CCDC66: variants seen among roughly 807,000 people sequenced by gnomAD.
The protein encoded by CCDC66 is coiled-coil domain containing 66.
Under a neutral mutation model 128.3 loss-of-function variants are expected in CCDC66, and 133 were observed. The ratio of observed to expected loss-of-function variants is 1.04; its 90% CI spans 0.90 to 1.20. The LOEUF (loss-of-function observed/expected upper bound fraction) is 1.20. Ranked by LOEUF, CCDC66 falls within the 50% of genes most tolerant of loss-of-function variation. The pLI is 0.00. For synonymous variants in CCDC66, 387 were observed against 357.0 expected (o/e 1.08, Z -0.95); for missense variants, 1,126 against 1,075.5 (o/e 1.05, Z -0.66).
At chr3:56,580,626 ATTTG>A (rs903265229) in intron 7 of CCDC66, among the ~76,000 whole-genome samples, 68 of 151,842 alleles carry the variant, frequency 4.5e-4, no homozygotes, top group African/African-American at 1.6e-3. Context: ...ATCTCTCAGC[ATTTG>A]TTTGTTTGTA....
Position 56,565,652 on chromosome 3 carries a change from C to T in CCDC66, c.545-942C>T, listed in dbSNP as rs924279749. On this transcript the variant is annotated intron_variant, in intron 4 of 17. Transcript: ENST00000394672. ...TATTTTTTTAGATGGAGTCTCGCTC[C>T]GTTGCCCAGGCTGGAGTCTCGCTGC... 5.4e-5 allele frequency among the ~76,000 whole-genome samples: 8 copies of T among 147,900 alleles called. No individual in the cohort carries two copies. In the East Asian group the frequency reaches 6.1e-4, roughly 11 times the overall value.
intron 10 of CCDC66, among the ~76,000 whole-genome samples, chr3:56,597,778 T>TTTTTTTTTTTGGTTTTTTTTGG (rs1553696363): frequency 0.02 from 682 of 34,210 alleles, 39 homozygotes; most frequent in African/African-American, 0.11. Flanking sequence ...TGTTTTGGGG[T>TTTTTTTTTTTGGTTTTTTTTGG]TTTTTTTTTT....
chr3:56,615,164 A>T lies in CCDC66; in HGVS notation c.1603A>T (p.Thr535Ser), dbSNP rs139701955. ...TCTCAAGACAAATGAGCTATTCCAG[A>T]CAATGCAGCGAGCACAGGAACTGGC... ...MTLKTNELFQTMQRAQELAQR... is the reference protein window; with the variant it reads ...MTLKTNELFQSMQRAQELAQR... Residue 535 changes from threonine to serine, a missense_variant, in exon 12 of 18, where the codon ACA (threonine) becomes TCA (serine). Thr to Ser is a moderately conservative substitution (Grantham distance 58). Coordinates refer to ENST00000394672, the MANE Select transcript of CCDC66 (RefSeq NM_001141947.3). 2 of 1,614,162 alleles carry T rather than the reference A, an allele frequency of 1.2e-6. No individual in the cohort carries two copies. The highest frequency in any genetic ancestry group is 1.7e-6 in the Non-Finnish European group (2 of 1,180,006).
chr3:56,593,917 G>A (rs2071382419), intron 9 of CCDC66, 27 bp from the exon 10 acceptor site: 1 of 1,609,662 alleles, frequency 6.2e-7, no homozygotes, highest in Non-Finnish European at 8.5e-7. Flanking sequence ...TTGAGGTTTT[G>A]AATAGCTAAT....
intron 7 of CCDC66, among the ~76,000 whole-genome samples, chr3:56,590,731 T>TG (rs1301426790): frequency 6.6e-6 from 1 of 151,362 alleles, no homozygotes; most frequent in African/African-American, 2.4e-5. Context: ...CCAGCCTGGG[T>TG]GACAGTGAGA....
At chr3:56,600,610 G>A (rs1415737760) in intron 10 of CCDC66, among the ~76,000 whole-genome samples, 8 of 151,966 alleles carry the variant, frequency 5.3e-5, no homozygotes, top group South Asian at 4.1e-4. Flanking sequence ...GTGTAAAAGC[G>A]TTCCTATTTC....
intron 7 of CCDC66, among the ~76,000 whole-genome samples, chr3:56,590,576 C>T (rs539550307): frequency 1.3e-5 from 2 of 152,030 alleles, no homozygotes; most frequent in East Asian, 3.9e-4. Flanking sequence ...TGGGCAACAA[C>T]ATGATAAAAT....
Position 56,618,217 on chromosome 3 carries a change from G to GT in CCDC66, c.2378+6dup, listed in dbSNP as rs773166884. The GT allele has an allele frequency of 6.2e-7, 1 of 1,611,810 alleles. No individual in the cohort carries two copies. The highest frequency in any genetic ancestry group is 8.5e-7 in the Non-Finnish European group (1 of 1,178,084). Reference sequence around the variant, plus strand: ...TCATTCATTCAGCAAGGAAAGGTAAGTATGCATCAGATTAATTCCGCAGCT... The same window carrying GT: ...TCATTCATTCAGCAAGGAAAGGTAAGTTATGCATCAGATTAATTCCGCAGCT... On this transcript the variant is annotated splice_donor_region_variant and intron_variant, in intron 15 of 17. Coordinates refer to ENST00000394672, the MANE Select transcript of CCDC66 (RefSeq NM_001141947.3).
At chr3:56,574,355 C>G (rs1275069513) in intron 7 of CCDC66, among the ~76,000 whole-genome samples, 4 of 89,272 alleles carry the variant, frequency 4.5e-5, no homozygotes, top group East Asian at 3.1e-4. Context: ...GAGCAAGACT[C>G]TGTCTCAAAA....
At chr3:56,561,581 T>A (rs1053760033) in intron 3 of CCDC66, among the ~76,000 whole-genome samples, 2 of 152,246 alleles carry the variant, frequency 1.3e-5, no homozygotes, top group Non-Finnish European at 2.9e-5. Flanking sequence ...GACTTCAAAA[T>A]ACTGATGCAA....
chr3:56,567,159 A>G, intron 6 of CCDC66, 106 bp downstream of exon 6: 1 of 736,818 alleles, frequency 1.4e-6, no homozygotes, highest in South Asian at 1.7e-5. Context: ...TGGGAAGCCG[A>G]GGTGGGTGGA....
At chr3:56,563,476 A>G (rs953910776) in intron 3 of CCDC66, 14 of 533,380 alleles carry the variant, frequency 2.6e-5, no homozygotes, top group Non-Finnish European at 4.6e-5. Flanking sequence ...GATGTCCTAT[A>G]ACAACTATAA....
intron 5 of CCDC66, 24 bp downstream of exon 5, chr3:56,566,783 A>T (rs2065918224): frequency 3.8e-6 from 6 of 1,594,846 alleles, no homozygotes; most frequent in South Asian, 1.1e-5. Context: ...ATCTGTTGTT[A>T]TTGTGTGGTC....
chr3:56,578,406 C>T (rs139749321), intron 7 of CCDC66, among the ~76,000 whole-genome samples: 30 of 151,748 alleles, frequency 2.0e-4, no homozygotes, highest in African/African-American at 7.2e-4. Flanking sequence ...TTATTTCTTC[C>T]TCATACCTGA....
At chr3:56,617,812 T>C (rs917803853) in intron 14 of CCDC66, 30 of 612,280 alleles carry the variant, frequency 4.9e-5, no homozygotes, top group Non-Finnish European at 7.2e-5. Context: ...ATGAATTGTC[T>C]GTGGCTGACT....
At chr3:56,574,596 C>A (rs1340140353) in intron 7 of CCDC66, among the ~76,000 whole-genome samples, 1 of 151,762 alleles carries the variant, frequency 6.6e-6, no homozygotes, top group Non-Finnish European at 1.5e-5. Context: ...TGTAGGCAGT[C>A]ACCAAAGCCT....
intron 10 of CCDC66, among the ~76,000 whole-genome samples, chr3:56,604,859 A>C (rs777780381): frequency 6.6e-6 from 1 of 152,056 alleles, no homozygotes; most frequent in Non-Finnish European, 1.5e-5. Context: ...TATCCTGAAG[A>C]GTGTTTTCCA....
rs74975310 is a variant in CCDC66, at chr3:56,616,996, A to G, written c.1844-116A>G. ...GTATAGAGGTTCGGTTTTGTTGAAA[A>G]TTAATGAAAGAAAAAAGTCTTAGAG... On this transcript the variant is annotated intron_variant, in intron 13 of 17. Transcript: ENST00000394672. The G allele has an allele frequency of 5.1e-4, 439 of 855,246 alleles. No individual in the cohort carries two copies. In the African/African-American group the frequency reaches 6.5e-3, roughly 13 times the overall value. The allele number at this position is 855,246 out of a possible 1,614,324, so 53.0% of individuals were successfully genotyped here. A position where few individuals can be genotyped will look rare whatever the true frequency, so the allele number is the denominator to read the frequency against.
intron 6 of CCDC66, chr3:56,570,409 G>A (rs1283652430): frequency 1.3e-5 from 2 of 152,152 alleles, no homozygotes; most frequent in Non-Finnish European, 2.9e-5. Context: ...ATTGAGATAG[G>A]CACTATTATT....
Sources: gnomAD v4.1 joint callset for allele counts (sites outside exome capture counted in the v4.1 genomes callset) on GRCh38, gnomAD v4.1.1 for gene constraint, MANE v1.5 for transcripts, NCBI Gene and HGNC (gene_info 2026-07-23, HGNC 2026-07-21) for gene names.